SYF2: variants seen among roughly 807,000 people sequenced by gnomAD.
SYF2 encodes the protein SYF2 pre-mRNA splicing factor.
SYF2 carries 21 observed loss-of-function variants against 32.7 expected under a neutral mutation model. That is an observed-to-expected ratio of 0.64 (90% CI 0.45 to 0.92). The LOEUF (loss-of-function observed/expected upper bound fraction) is 0.92, where lower values mean the gene tolerates loss of function less well. SYF2 is among the 40% of genes least tolerant of loss of function. The probability of loss-of-function intolerance (pLI) is 0.00; values close to 1 mark genes in which losing one functional copy is unlikely to be tolerated. For synonymous variants in SYF2, 114 were observed against 103.9 expected, an observed-to-expected ratio of 1.10 and a Z score of -0.59; for missense variants, 278 against 296.5, an observed-to-expected ratio of 0.94 and a Z score of 0.46.
chr1:25,224,622 T>G (rs977807303), intron 6 of SYF2, among the ~76,000 whole-genome samples: 1 of 152,166 alleles, frequency 6.6e-6, no homozygotes, highest in Non-Finnish European at 1.5e-5. Context: ...CTGCTCTACC[T>G]AATAGTCGCC....
At chr1:25,225,877 C>T (rs2124510393) in intron 5 of SYF2, among the ~76,000 whole-genome samples, 1 of 149,582 alleles carries the variant, frequency 6.7e-6, no homozygotes, top group East Asian at 2.0e-4. Context: ...AAAATAGGGC[C>T]ATGTGCAGTG....
chr1:25,228,137 G>A lies in SYF2; in HGVS notation c.357C>T (p.Asn119=). 1 of 1,613,880 alleles carries A rather than the reference G, an allele frequency of 6.2e-7. No homozygotes were observed. The highest frequency in any genetic ancestry group is 1.3e-5 in the African/African-American group (1 of 75,014). Residue 119 remains asparagine, a synonymous_variant, in exon 4 of 7, where the codon AAC becomes AAT. Transcript: ENST00000236273. ...TCTGACCTGAAAATCCCAGATCAGG[G>A]TTTTTCCTCTTCTTTTTCCTCTCCC... The part of the protein sequence containing the change: ...ERWERKKKRK[N]PDLGFSDYAA...
chr1:25,223,181 C>T lies in SYF2; in HGVS notation c.*85G>A. The stretch of plus-strand genomic sequence containing the variant: ...GCATGGACTACTAAATTCTGGATTA[C>T]TGATAAAATTTCAAAAAGAACTTGA... On this transcript the variant is annotated 3_prime_UTR_variant, in exon 7 of 7. Transcript: ENST00000236273. 1.5e-6 allele frequency: 2 copies of T among 1,351,902 alleles called. No individual in the cohort carries two copies. Among genetic ancestry groups the T allele is most frequent in the South Asian group, 3.0e-5 (2 of 66,510 alleles). The allele number at this position is 1,351,902 out of a possible 1,614,324, so 83.7% of individuals were successfully genotyped here.
intron 3 of SYF2, 30 bp from the exon 4 acceptor site, chr1:25,228,265 A>T (rs1247240043): frequency 1.3e-6 from 2 of 1,529,996 alleles, no homozygotes; most frequent in East Asian, 4.5e-5. Flanking sequence ...TGACACCTAC[A>T]ATTATGATAC....
chr1:25,225,404 TG>T (rs1040902643), intron 5 of SYF2, among the ~76,000 whole-genome samples: 1 of 151,866 alleles, frequency 6.6e-6, no homozygotes, highest in African/African-American at 2.4e-5. Flanking sequence ...GACACACACC[TG>T]TAGTCCCAGC....
chr1:25,232,423 T>G (rs1571493433), intron 1 of SYF2, 21 bp downstream of exon 1: 2 of 1,614,140 alleles, frequency 1.2e-6, no homozygotes. Flanking sequence ...AAACCCCCGG[T>G]GTACGGTGGG....
intron 5 of SYF2, among the ~76,000 whole-genome samples, chr1:25,226,762 A>G (rs557473232): frequency 3.4e-4 from 52 of 152,308 alleles, no homozygotes; most frequent in Middle Eastern, 6.8e-3. Context: ...AGGATGGAGG[A>G]TCACTTGAGG....
rs1266706636 is a variant in SYF2, at chr1:25,232,120, T to G, written c.116A>C (p.Glu39Ala). The G allele has an allele frequency of 1.2e-6, 2 of 1,613,756 alleles. No homozygotes were observed. The highest frequency in any genetic ancestry group is 1.7e-5 in the Admixed American group (1 of 59,956). The part of the protein sequence containing the change: ...KREQRLRKFR[E>A]LHLMRNEARK... The stretch of plus-strand genomic sequence containing the variant: ...ACTACTCACCCGCATCAGGTGCAGC[T>G]CCCGGAATTTGCGCAGTCTCTGTTC... The change falls in exon 2 of 7, where the codon GAG becomes GCG. Residue 39 changes from glutamate to alanine, a missense_variant. Glu to Ala is a moderately radical substitution (Grantham distance 107). Transcript: ENST00000236273.
At chr1:25,227,690 T>C (rs1282685683) in intron 4 of SYF2, among the ~76,000 whole-genome samples, 158 bp from the exon 5 acceptor site, 1 of 152,200 alleles carries the variant, frequency 6.6e-6, no homozygotes, top group Non-Finnish European at 1.5e-5. Flanking sequence ...ATATCTTTAT[T>C]ATACTTAAAT....
chr1:25,228,323 C>G, intron 3 of SYF2, 88 bp from the exon 4 acceptor site: 3 of 1,123,036 alleles, frequency 2.7e-6, no homozygotes, highest in South Asian at 2.7e-5. Flanking sequence ...CAATAAATAT[C>G]AACCAATACT....
Position 25,225,141 on chromosome 1 carries a change from T to A in SYF2, c.468-41A>T, listed in dbSNP as rs1359872221. 3.8e-6 allele frequency: 5 copies of A among 1,322,320 alleles called. No homozygotes were observed. The Admixed American group carries it at 8.4e-5, about 22-fold the overall frequency. 81.9% of individuals were successfully genotyped at this position (1,322,320 alleles called of 1,614,324 possible). ...AATGAACTTACAGTAACACTATAAATGCTCCATTTTCAAATTTCAAACTAA... is the reference window on the plus strand; with the variant it reads ...AATGAACTTACAGTAACACTATAAAAGCTCCATTTTCAAATTTCAAACTAA... On this transcript the variant is annotated intron_variant, in intron 5 of 6. Transcript: ENST00000236273.
At chr1:25,226,607 G>A (rs1441712883) in intron 5 of SYF2, among the ~76,000 whole-genome samples, 1 of 152,202 alleles carries the variant, frequency 6.6e-6, no homozygotes, top group Non-Finnish European at 1.5e-5. Context: ...TCAACAACCA[G>A]TCTTAGAATG....
At chr1:25,227,986 A>T in intron 4 of SYF2, 132 bp downstream of exon 4, 2 of 692,252 alleles carry the variant, frequency 2.9e-6, no homozygotes, top group Non-Finnish European at 2.5e-6. Context: ...ACATATTTGT[A>T]CTTTTCTTGG....
chr1:25,226,397 G>T (rs1222587329), intron 5 of SYF2, among the ~76,000 whole-genome samples: 4 of 152,126 alleles, frequency 2.6e-5, no homozygotes, highest in African/African-American at 9.7e-5. Flanking sequence ...ATGAAAAGAG[G>T]CTTCATTTAT....
At chr1:25,223,975 C>T (rs1305550758) in intron 6 of SYF2, among the ~76,000 whole-genome samples, 6 of 152,160 alleles carry the variant, frequency 3.9e-5, no homozygotes, top group Non-Finnish European at 7.3e-5. Flanking sequence ...AGGTAGATCA[C>T]CTGAGGCCAG....
chr1:25,224,294 C>T (rs1305358440), intron 6 of SYF2, among the ~76,000 whole-genome samples: 2 of 151,970 alleles, frequency 1.3e-5, no homozygotes, highest in Non-Finnish European at 2.9e-5. Flanking sequence ...CTCGCTCTGT[C>T]GCCCAAGCTG....
chr1:25,225,166 A>C (rs1638481716), intron 5 of SYF2, 66 bp from the exon 6 acceptor site: 5 of 1,019,730 alleles, frequency 4.9e-6, no homozygotes, highest in Non-Finnish European at 6.3e-6. Flanking sequence ...TTTCAAACTA[A>C]AGTACCATAC....
chr1:25,232,287 G>C (rs1399579304), intron 1 of SYF2, 76 bp from the exon 2 acceptor site: 2 of 1,581,120 alleles, frequency 1.3e-6, no homozygotes, highest in Non-Finnish European at 1.7e-6. Flanking sequence ...GTCCCCGCCG[G>C]TCCCCACAGG....
Position 25,222,940 on chromosome 1 carries a change from G to A in SYF2, c.*326C>T, listed in dbSNP as rs1638437050. ...ATGACTGCATCTGATGTGTGCTGCT[G>A]GCAATCTTAAGCCCAAAATGCTTCA... On this transcript the variant is annotated 3_prime_UTR_variant, in exon 7 of 7. Transcript: ENST00000236273. The A allele has an allele frequency of 2.2e-5, 4 of 178,302 alleles. No homozygotes were observed. The Admixed American group carries it at 2.3e-4, about 10-fold the overall frequency. The allele number at this position is 178,302 out of a possible 1,614,324, so 11.0% of individuals were successfully genotyped here.
Sources: gnomAD v4.1 joint callset for allele counts (sites outside exome capture counted in the v4.1 genomes callset) on GRCh38, gnomAD v4.1.1 for gene constraint, MANE v1.5 for transcripts, NCBI Gene and HGNC (gene_info 2026-07-23, HGNC 2026-07-21) for gene names.